ZFHX3: variants seen among roughly 807,000 people sequenced by gnomAD.
The protein encoded by ZFHX3 is zinc finger homeobox protein 3.
A neutral mutation model predicts 279.1 loss-of-function variants in ZFHX3; 42 were observed. That is an observed-to-expected ratio of 0.15 (90% CI 0.12 to 0.19). The LOEUF (loss-of-function observed/expected upper bound fraction) is 0.19, where lower values mean the gene tolerates loss of function less well. ZFHX3 is among the 10% of genes least tolerant of loss of function. The pLI is 1.00. For synonymous variants in ZFHX3, 2,293 were observed against 1,957.8 expected (o/e 1.17, Z -4.52); for missense variants, 4,981 against 4,754.0 (o/e 1.05, Z -1.40).
At chr16:73,617,297 G>T (rs2052314703) in intron 2 of ZFHX3, among the ~76,000 whole-genome samples, 1 of 152,200 alleles carries the variant, frequency 6.6e-6, no homozygotes, top group Non-Finnish European at 1.5e-5. Context: ...ACAATGAGGT[G>T]AGGGAAATAG....
intron 2 of ZFHX3, among the ~76,000 whole-genome samples, chr16:73,538,661 C>T (rs2019952406): frequency 1.3e-5 from 2 of 152,160 alleles, no homozygotes; most frequent in Admixed American, 6.5e-5. Context: ...GCCCCTAATT[C>T]CTCACGTCTG....
chr16:73,729,818 G>A lies in ZFHX3; in HGVS notation c.-1607-49578C>T, dbSNP rs528223226. Among the ~76,000 whole-genome samples the A allele has an allele frequency of 2.2e-3, 338 of 152,172 alleles. 1 individual carries two copies. The highest frequency in any genetic ancestry group is 7.7e-3 in the African/African-American group (319 of 41,510). ...TATTAGGTCCCATGAGGCTCTATGG[G>A]GTCCCTCTTCTCAAGGAAGAAGAAT... On this transcript the variant is annotated intron_variant, in intron 1 of 17. Coordinates refer to the ZFHX3 transcript ENST00000641206.
chr16:73,824,377 ATTTC>A lies in ZFHX3; in HGVS notation c.-1608+67270_-1608+67273del, dbSNP rs1335504431. Among the ~76,000 whole-genome samples the A allele has an allele frequency of 5.1e-5, 5 of 98,044 alleles. No individual in the cohort carries two copies. The South Asian group carries it at 1.0e-3, about 20-fold the overall frequency. The allele number at this position is 98,044 out of a possible 152,430, so 64.3% of individuals were successfully genotyped here. A position where few individuals can be genotyped will look rare whatever the true frequency, so the allele number is the denominator to read the frequency against. On this transcript the variant is annotated intron_variant, in intron 1 of 17. Transcript: ENST00000641206. ...CAGAAATGTGTTTTCTTTCCAAATA[ATTTC>A]TTTTTTTTTTTTTTTAATGTTTTTT...
chr16:72,872,613 A>G (rs879352307), intron 4 of ZFHX3, among the ~76,000 whole-genome samples: 36 of 151,946 alleles, frequency 2.4e-4, no homozygotes, highest in Admixed American at 2.2e-3. Flanking sequence ...ACGCGCCACC[A>G]TGTCTGGCTA....
chr16:73,752,962 C>T (rs997466694), intron 1 of ZFHX3, among the ~76,000 whole-genome samples: 1 of 152,166 alleles, frequency 6.6e-6, no homozygotes, highest in Non-Finnish European at 1.5e-5. Flanking sequence ...TGCATACTTG[C>T]TACAATATAT....
intron 1 of ZFHX3, among the ~76,000 whole-genome samples, chr16:73,012,037 AAC>A (rs1963936336): frequency 6.6e-6 from 1 of 152,162 alleles, no homozygotes; most frequent in Non-Finnish European, 1.5e-5. Context: ...TCAAGCACAA[AAC>A]ACATTCGAGC....
Position 73,102,544 on chromosome 16 carries a change from T to C in ZFHX3, c.-896-8946A>G, listed in dbSNP as rs570313468. ...CAGGCCCACTGCTGACATGTAGCGA[T>C]GTGTGTATAGATTTTTGACCTTCCA... On this transcript the variant is annotated intron_variant, in intron 7 of 17. Coordinates refer to the ZFHX3 transcript ENST00000641206. Among the ~76,000 whole-genome samples, 17 of 152,360 alleles carry C rather than the reference T, an allele frequency of 1.1e-4. No homozygotes were observed. In the South Asian group the frequency reaches 1.7e-3, roughly 15 times the overall value.
At chr16:73,320,175 C>T (rs531816050) in intron 3 of ZFHX3, among the ~76,000 whole-genome samples, 1 of 152,300 alleles carries the variant, frequency 6.6e-6, no homozygotes, top group South Asian at 2.1e-4. Flanking sequence ...GCCTGGGATT[C>T]AGAAGGTAGA....
At chr16:73,181,926 T>C (rs1387090282) in intron 5 of ZFHX3, among the ~76,000 whole-genome samples, 1 of 152,166 alleles carries the variant, frequency 6.6e-6, no homozygotes, top group Non-Finnish European at 1.5e-5. Context: ...CAGGTAACTT[T>C]TTCTTCACAC....
At chr16:73,271,527 A>G (rs554683284) in intron 4 of ZFHX3, among the ~76,000 whole-genome samples, 1 of 152,294 alleles carries the variant, frequency 6.6e-6, no homozygotes, top group African/African-American at 2.4e-5. Flanking sequence ...ACTGGATCAG[A>G]ATCCCACCTC....
At chr16:72,882,977 G>GGTGTGTGTGTGTGTGTGT (rs56328056) in intron 4 of ZFHX3, among the ~76,000 whole-genome samples, 10 of 65,442 alleles carry the variant, frequency 1.5e-4, no homozygotes, top group East Asian at 1.5e-3. Flanking sequence ...ACCACTCTGG[G>GGTGTGTGTGTGTGTGTGT]GTGTGTGTGT....
chr16:73,323,868 G>T (rs1456455000), intron 3 of ZFHX3, among the ~76,000 whole-genome samples: 1 of 152,180 alleles, frequency 6.6e-6, no homozygotes, highest in Non-Finnish European at 1.5e-5. Context: ...AAACAAAAGT[G>T]ATCAACCCAT....
chr16:73,054,920 A>T (rs1965517477), intron 1 of ZFHX3, among the ~76,000 whole-genome samples: 1 of 152,316 alleles, frequency 6.6e-6, no homozygotes, highest in East Asian at 1.9e-4. Context: ...AAGGGGAAAA[A>T]AATACAGAAA....
chr16:73,372,469 A>C (rs557315254), intron 3 of ZFHX3, among the ~76,000 whole-genome samples: 112 of 152,378 alleles, frequency 7.4e-4, no homozygotes, highest in Non-Finnish European at 1.3e-3. Flanking sequence ...CAAATAAAGA[A>C]TTAATGGGTA....
chr16:73,069,040 C>T (rs1220436614), intron 8 of ZFHX3, among the ~76,000 whole-genome samples: 2 of 152,182 alleles, frequency 1.3e-5, no homozygotes, highest in African/African-American at 4.8e-5. Context: ...TCACTCCTCG[C>T]CGTGCTCGGC....
chr16:73,579,627 G>A lies in ZFHX3; in HGVS notation c.-1547+100553C>T, dbSNP rs375706885. On this transcript the variant is annotated intron_variant, in intron 2 of 17. Coordinates refer to the ZFHX3 transcript ENST00000641206. ...CGCCATTCTCCTGCCTCAGCCTCCC[G>A]AGTAGCTGGGACTACAGGCACCCGC... 9.3e-5 allele frequency among the ~76,000 whole-genome samples: 14 copies of A among 150,220 alleles called. No individual in the cohort carries two copies. In the East Asian group the frequency reaches 2.2e-3, roughly 23 times the overall value.
intron 2 of ZFHX3, among the ~76,000 whole-genome samples, chr16:73,575,224 T>A (rs1567522882): frequency 1.3e-5 from 2 of 152,206 alleles, no homozygotes; most frequent in Non-Finnish European, 2.9e-5. Flanking sequence ...ACTTCAAAAG[T>A]CATCCAGGAT....
chr16:72,789,066 C>T (rs56268740), intron 9 of ZFHX3: 3 of 444,480 alleles, frequency 6.7e-6, no homozygotes. Context: ...TCCCATACTT[C>T]CCCTTTCAGC....
chr16:72,917,171 G>A (rs2039462336), intron 3 of ZFHX3, among the ~76,000 whole-genome samples: 2 of 152,260 alleles, frequency 1.3e-5, no homozygotes, highest in African/African-American at 2.4e-5. Flanking sequence ...ATTCCAGAAG[G>A]CCGAGGCTAC....
Sources: gnomAD v4.1 joint callset for allele counts (sites outside exome capture counted in the v4.1 genomes callset) on GRCh38, gnomAD v4.1.1 for gene constraint, MANE v1.5 for transcripts, NCBI Gene and HGNC (gene_info 2026-07-23, HGNC 2026-07-21) for gene names.